The following AGAP2 variants were observed in gnomAD, a reference collection of about 807,000 sequenced individuals.
The protein encoded by AGAP2 is ArfGAP with GTPase domain, ankyrin repeat and PH domain 2, also known as arf-GAP with GTPase, ANK repeat and PH domain-containing protein 2.
Under a neutral mutation model 110.9 loss-of-function variants are expected in AGAP2, and 32 were observed. The ratio of observed to expected loss-of-function variants is 0.29; its 90% CI spans 0.22 to 0.39. The LOEUF (loss-of-function observed/expected upper bound fraction) is 0.39. Among genes scored for constraint, AGAP2 ranks in the 10% least tolerant of loss-of-function variants. AGAP2 has a pLI of 1.00. For synonymous variants in AGAP2, 702 were observed against 713.0 expected, an observed-to-expected ratio of 0.98 and a Z score of 0.25; for missense variants, 1,285 against 1,638.5, an observed-to-expected ratio of 0.78 and a Z score of 3.72.
chr12:57,730,561 G>A lies in AGAP2; in HGVS notation c.2362C>T (p.Pro788Ser). ...AGGTGTTTGGATGTCTGATCTGGTG[G>A]TGGCTGCAGGGAACTGGGGCTGGGG... is the stretch of plus-strand genomic sequence containing the variant. ...PSPSPSSLQPPPDQTSKHLLK... is the reference protein window; with the variant it reads ...PSPSPSSLQPSPDQTSKHLLK... Residue 788 changes from proline to serine, a missense_variant, in exon 12 of 19, where the codon CCA becomes TCA. Physicochemically the swap from Pro to Ser is moderately conservative, Grantham distance 74. Coordinates refer to ENST00000547588, the MANE Select transcript of AGAP2 (RefSeq NM_001122772.3). The A allele has an allele frequency of 1.2e-6, 2 of 1,614,186 alleles. No homozygotes were observed. The highest frequency in any genetic ancestry group is 1.7e-6 in the Non-Finnish European group (2 of 1,180,046).
rs1404829673 is a variant in AGAP2, at chr12:57,738,637, G to A, written c.-391C>T. Among the ~76,000 whole-genome samples, 2 of 151,970 alleles carry A rather than the reference G, an allele frequency of 1.3e-5. No homozygotes were observed. Among genetic ancestry groups the A allele is most frequent in the Non-Finnish European group, 2.9e-5 (2 of 67,940 alleles). The stretch of plus-strand genomic sequence containing the variant: ...GCAGAAAAGGGGACCGGAGGCTAGG[G>A]GAAACGAACCTGTGCGGGGGAGGCA... On this transcript the variant is annotated 5_prime_UTR_variant, in exon 1 of 19. Transcript: ENST00000547588. The surrounding 1 kb of genome is among the most constrained non-coding windows in gnomAD (Gnocchi z 6.7).
upstream of AGAP2, chr12:57,739,717 A>C (rs1289608500): frequency 6.6e-6 from 1 of 152,206 alleles, no homozygotes; most frequent in East Asian, 1.9e-4. Context: ...CGGGATGCTG[A>C]ATTAGTGGAG....
At position 57,737,648 on chromosome 12, in the gene AGAP2, G is replaced by C. The variant is rs1253914585; in HGVS notation, c.599C>G (p.Ala200Gly). 1.3e-6 allele frequency: 2 copies of C among 1,547,578 alleles called. No individual in the cohort carries two copies. Among genetic ancestry groups the C allele is most frequent in the South Asian group, 1.2e-5 (1 of 84,082 alleles). Reference sequence around the variant, plus strand: ...GCTACCCGCGCCCTTGCCCCCGCCGGCTTTGGCTCCACTCGTGGTCACGGT... The same window carrying C: ...GCTACCCGCGCCCTTGCCCCCGCCGCCTTTGGCTCCACTCGTGGTCACGGT... ...CKTVTTSGAK[A>G]GGGKGAGSRL... Residue 200 changes from alanine to glycine, a missense_variant, in exon 1 of 19, where the codon GCC becomes GGC. This residue lies in a region of AGAP2 where 844 missense variants were observed against 941.2 expected (regional missense o/e 0.90). Coordinates refer to ENST00000547588, the MANE Select transcript of AGAP2 (RefSeq NM_001122772.3). The surrounding 1 kb of genome is among the most constrained non-coding windows in gnomAD (Gnocchi z 5.9).
chr12:57,735,257 T>A, intron 2 of AGAP2, 112 bp downstream of exon 2: 1 of 1,042,732 alleles, frequency 9.6e-7, no homozygotes, highest in South Asian at 1.4e-5. Context: ...GGAAAACGAT[T>A]CCCTATTCCC....
At chr12:57,739,028 C>T (rs953844937), upstream of AGAP2, among the ~76,000 whole-genome samples, 1 of 150,352 alleles carries the variant, frequency 6.7e-6, no homozygotes, top group Non-Finnish European at 1.5e-5. Context: ...CCACCAGCAC[C>T]GATGTCTGCG....
In AGAP2 at chr12:57,737,868, G is replaced by GT; in HGVS notation, c.378dup (p.Leu127ThrfsTer82). The GT allele has an allele frequency of 7.0e-7, 1 of 1,436,448 alleles. No individual in the cohort carries two copies. Among genetic ancestry groups the GT allele is most frequent in the South Asian group, 1.5e-5 (1 of 68,146 alleles). 89.0% of individuals were successfully genotyped at this position (1,436,448 alleles called of 1,614,324 possible). A position where few individuals can be genotyped will look rare whatever the true frequency, so the allele number is the denominator to read the frequency against. ...CCCCCAGGCTTGGGGTCGGGGCTCAGTCCCCCGGAGAGCGGGGGTCCCGGA... is the reference window on the plus strand; with the variant it reads ...CCCCCAGGCTTGGGGTCGGGGCTCAGTTCCCCCGGAGAGCGGGGGTCCCGGA... On this transcript the variant is annotated frameshift_variant, in exon 1 of 19. Coordinates refer to ENST00000547588, the MANE Select transcript of AGAP2 (RefSeq NM_001122772.3). LOFTEE classifies it high-confidence loss of function. The surrounding 1 kb of genome is among the most constrained non-coding windows in gnomAD (Gnocchi z 5.9).
rs760971891 is a variant in AGAP2, at chr12:57,732,914, T to C, written c.1615A>G (p.Met539Val). The C allele has an allele frequency of 6.2e-7, 1 of 1,614,050 alleles. No homozygotes were observed. Among genetic ancestry groups the C allele is most frequent in the East Asian group, 2.2e-5 (1 of 44,872 alleles). Reference sequence around the variant, plus strand: ...GTCTCATAGTAGCTGCAGCGTTTCATGTCCGCGCACAGAGCTCTGGCACGA... The same window carrying C: ...GTCTCATAGTAGCTGCAGCGTTTCACGTCCGCGCACAGAGCTCTGGCACGA... ...DARARALCAD[M>V]KRCSYYETCA... The change falls in exon 6 of 19, where the codon ATG becomes GTG. Residue 539 changes from methionine (M) to valine (V), a missense_variant. Physicochemically the swap from Met to Val is conservative, Grantham distance 21. Transcript: ENST00000547588.
At position 57,732,901 on chromosome 12, in the gene AGAP2, C is replaced by T; in HGVS notation, c.1628G>A (p.Ser543Asn). ...ATAGGTTGCACAAGTCTCATAGTAGCTGCAGCGTTTCATGTCCGCGCACAG... is the reference window on the plus strand; with the variant it reads ...ATAGGTTGCACAAGTCTCATAGTAGTTGCAGCGTTTCATGTCCGCGCACAG... ...RALCADMKRC[S>N]YYETCATYGL... The change falls in exon 6 of 19, where the codon AGC becomes AAC. Residue 543 changes from serine to asparagine, a missense_variant. Around this residue, in one of 7 missense-constraint regions of AGAP2, gnomAD observed 844 missense variants for 941.2 expected, o/e 0.90. Coordinates refer to ENST00000547588, the MANE Select transcript of AGAP2 (RefSeq NM_001122772.3). The T allele has an allele frequency of 6.2e-7, 1 of 1,614,098 alleles. No individual in the cohort carries two copies. Among genetic ancestry groups the T allele is most frequent in the Non-Finnish European group, 8.5e-7 (1 of 1,180,036 alleles).
Position 57,727,155 on chromosome 12 carries a change from T to C in AGAP2, c.3155A>G (p.Glu1052Gly). ...LFLAPLSTSE[E>G]PLGRQLWAAV... ...GGCCCACAGCTGGCGGCCCAGCGGC[T>C]CCTCCGAGGTGCTCAGCGGCGCCAG... Residue 1052 changes from glutamate to glycine, a missense_variant, in exon 18 of 19, where the codon GAG becomes GGG. Around this residue, in one of 7 missense-constraint regions of AGAP2, gnomAD observed 201 missense variants for 276.1 expected, o/e 0.73. Transcript: ENST00000547588. 6.2e-7 allele frequency: 1 copy of C among 1,606,482 alleles called. No individual in the cohort carries two copies. The highest frequency in any genetic ancestry group is 8.5e-7 in the Non-Finnish European group (1 of 1,177,602).
intron 12 of AGAP2, 123 bp downstream of exon 12, chr12:57,730,372 G>A: frequency 7.7e-7 from 1 of 1,302,948 alleles, no homozygotes; most frequent in South Asian, 1.3e-5. Flanking sequence ...TTATTCATGT[G>A]TGGGGCTCCA....
chr12:57,726,347 TG>T lies in AGAP2; in HGVS notation c.*204del. 2.9e-6 allele frequency: 1 copy of T among 348,070 alleles called. No homozygotes were observed. Among genetic ancestry groups the T allele is most frequent in the Non-Finnish European group, 4.7e-6 (1 of 211,476 alleles). The allele number at this position is 348,070 out of a possible 1,614,324, so 21.6% of individuals were successfully genotyped here. A position where few individuals can be genotyped will look rare whatever the true frequency, so the allele number is the denominator to read the frequency against. On this transcript the variant is annotated 3_prime_UTR_variant, in exon 19 of 19. Transcript: ENST00000547588. The surrounding 1 kb of genome is among the most constrained non-coding windows in gnomAD (Gnocchi z 5.7). Reference sequence around the variant, plus strand: ...ACAATGGAGAGGGGGCGTGTTGAGCTGGGGTCTCCATGCCTCGTTGGGGAGA... The same window carrying T: ...ACAATGGAGAGGGGGCGTGTTGAGCTGGGTCTCCATGCCTCGTTGGGGAGA...
At chr12:57,734,534 T>G in intron 3 of AGAP2, 58 bp downstream of exon 3, 2 of 1,597,682 alleles carry the variant, frequency 1.3e-6, no homozygotes, top group Non-Finnish European at 1.7e-6. Context: ...TAATCATTGA[T>G]CTCACTCCTG....
chr12:57,726,702 A>G lies in AGAP2; in HGVS notation c.3429T>C (p.Leu1143=). The change falls in exon 19 of 19, where the codon CTT becomes CTC. Residue 1143 remains leucine (L), a synonymous_variant. Transcript: ENST00000547588. This position sits in a 1 kb window ranked among gnomAD's most constrained non-coding sequence, Gnocchi z 5.7. ...CCTCACCCGGGCAGCCGTGCTGGAG[A>G]AGGATGTCGGCGCACAGCTGGCTTC... ...QAGSQLCADI[L]LQHGCPGEGG... 1.6e-6 allele frequency: 2 copies of G among 1,245,398 alleles called. No homozygotes were observed. The highest frequency in any genetic ancestry group is 2.9e-5 in the South Asian group (1 of 34,268). The allele number at this position is 1,245,398 out of a possible 1,614,324, so 77.1% of individuals were successfully genotyped here. A position where few individuals can be genotyped will look rare whatever the true frequency, so the allele number is the denominator to read the frequency against.
chr12:57,726,732 C>T lies in AGAP2; in HGVS notation c.3399G>A (p.Gln1133=). Residue 1133 remains glutamine (Q), a synonymous_variant, in exon 19 of 19, where the codon CAG becomes CAA. Coordinates refer to ENST00000547588, the MANE Select transcript of AGAP2 (RefSeq NM_001122772.3). The surrounding 1 kb of genome is among the most constrained non-coding windows in gnomAD (Gnocchi z 5.7). ...QGRTALFYAR[Q]AGSQLCADIL... is the part of the protein sequence containing the mutation. ...TGTCGGCGCACAGCTGGCTTCCAGC[C>T]TGGCGGGCGTAGAACAGCGCCGTGC... 7.9e-7 allele frequency: 1 copy of T among 1,272,294 alleles called. No homozygotes were observed. The highest frequency in any genetic ancestry group is 2.5e-5 in the South Asian group (1 of 39,882). The allele number at this position is 1,272,294 out of a possible 1,614,324, so 78.8% of individuals were successfully genotyped here. A position where few individuals can be genotyped will look rare whatever the true frequency, so the allele number is the denominator to read the frequency against.
chr12:57,731,258 G>C, intron 10 of AGAP2, 108 bp downstream of exon 10: 1 of 969,940 alleles, frequency 1.0e-6, no homozygotes, highest in Admixed American at 2.0e-5. Flanking sequence ...TAAGAGAAGA[G>C]GACTAGCACT....
chr12:57,728,887 C>T (rs140950588), intron 13 of AGAP2, among the ~76,000 whole-genome samples: 23 of 152,212 alleles, frequency 1.5e-4, no homozygotes, highest in Admixed American at 9.8e-4. Flanking sequence ...AGGCCGGGCA[C>T]GGTGACTCAT....
At chr12:57,739,851 T>C (rs1955055912), upstream of AGAP2, 1 of 152,186 alleles carries the variant, frequency 6.6e-6, no homozygotes, top group African/African-American at 2.4e-5. Context: ...TGAGGTTTGC[T>C]GAGTGGGATT....
intron 16 of AGAP2, 48 bp downstream of exon 16, chr12:57,727,633 C>T (rs1954797037): frequency 6.3e-7 from 1 of 1,590,012 alleles, no homozygotes; most frequent in African/African-American, 1.3e-5. Context: ...ACAGGCACCC[C>T]GGCATTCACT....
In AGAP2 at chr12:57,738,434, C is replaced by T. The variant is rs1955033087; in HGVS notation, c.-188G>A. 3 of 490,264 alleles carry T rather than the reference C, an allele frequency of 6.1e-6. No homozygotes were observed. The highest frequency in any genetic ancestry group is 8.0e-6 in the Non-Finnish European group (3 of 376,998). 30.4% of individuals were successfully genotyped at this position (490,264 alleles called of 1,614,324 possible). A position where few individuals can be genotyped will look rare whatever the true frequency, so the allele number is the denominator to read the frequency against. ...CGCCCCCCTCCCATCACATGGGGCG[C>T]CCCCTCCCCATGCTCCCCGCCCTGC... On this transcript the variant is annotated 5_prime_UTR_variant, in exon 1 of 19. Transcript: ENST00000547588. This position sits in a 1 kb window ranked among gnomAD's most constrained non-coding sequence, Gnocchi z 6.7.
Sources: allele counts gnomAD v4.1 joint callset (sites outside exome capture counted in the v4.1 genomes callset), GRCh38; gene constraint gnomAD v4.1.1; regional missense constraint gnomAD v4.1.1; non-coding constraint Gnocchi (gnomAD v3.1); transcripts MANE v1.5; gene names NCBI Gene and HGNC (gene_info 2026-07-23, HGNC 2026-07-21).